PPARGC1A: variants seen among roughly 807,000 people sequenced by gnomAD.
PPARGC1A encodes the protein PPARG coactivator 1 alpha.
A neutral mutation model predicts 88.7 loss-of-function variants in PPARGC1A; 25 were observed. The ratio of observed to expected loss-of-function variants is 0.28; its 90% CI spans 0.21 to 0.39. The LOEUF (loss-of-function observed/expected upper bound fraction) is 0.39. Ranked by LOEUF, PPARGC1A falls within the 10% of genes least tolerant of loss-of-function variation. The pLI is 1.00. For synonymous variants in PPARGC1A, 363 were observed against 355.6 expected (o/e 1.02, Z -0.24); for missense variants, 880 against 968.7 (o/e 0.91, Z 1.22).
chr4:23,916,957 A>G, the PPARGC1A span, among the ~76,000 whole-genome samples: 1 of 152,224 alleles, frequency 6.6e-6, no homozygotes, highest in South Asian at 2.1e-4. Flanking sequence ...CAAATGAACT[A>G]CTGAGTCAGA....
the PPARGC1A span, among the ~76,000 whole-genome samples, chr4:24,023,337 C>G: frequency 6.6e-6 from 1 of 152,036 alleles, no homozygotes; most frequent in African/African-American, 2.4e-5. Context: ...TAATATCTCA[C>G]ATATATGAAA....
chr4:24,160,861 T>C, the PPARGC1A span, among the ~76,000 whole-genome samples: 1 of 152,180 alleles, frequency 6.6e-6, no homozygotes, highest in Non-Finnish European at 1.5e-5. Flanking sequence ...TGGGACCTAC[T>C]GAACAAAACA....
chr4:24,098,603 A>C, the PPARGC1A span, among the ~76,000 whole-genome samples: 437 of 152,374 alleles, frequency 2.9e-3, 4 homozygotes, highest in African/African-American at 0.01. Context: ...AAGTGTACTT[A>C]TATCGCTTAA....
At chr4:24,437,866 G>T in the PPARGC1A span, among the ~76,000 whole-genome samples, 1 of 151,810 alleles carries the variant, frequency 6.6e-6, no homozygotes, top group African/African-American at 2.4e-5. Flanking sequence ...AAGTAGAGAA[G>T]GGGTTTCACC....
At chr4:24,348,531 A>G in the PPARGC1A span, among the ~76,000 whole-genome samples, 1 of 152,048 alleles carries the variant, frequency 6.6e-6, no homozygotes, top group Non-Finnish European at 1.5e-5. Context: ...TCTTTGTTGA[A>G]TTAGGTTAAT....
the PPARGC1A span, among the ~76,000 whole-genome samples, chr4:24,374,563 T>TA: frequency 0.21 from 30,559 of 146,522 alleles, 3,245 homozygotes; most frequent in African/African-American, 0.28. Context: ...AAATAAATGT[T>TA]AAAAAAAAAA....
the PPARGC1A span, among the ~76,000 whole-genome samples, chr4:24,203,490 C>A: frequency 1.3e-5 from 2 of 152,082 alleles, no homozygotes; most frequent in Non-Finnish European, 2.9e-5. Flanking sequence ...GGGATCTATT[C>A]TTTCAATTCA....
At chr4:23,940,198 T>C in the PPARGC1A span, among the ~76,000 whole-genome samples, 1 of 152,238 alleles carries the variant, frequency 6.6e-6, no homozygotes, top group Non-Finnish European at 1.5e-5. Context: ...TCTTTTGTCA[T>C]GTACTGTTTC....
the PPARGC1A span, among the ~76,000 whole-genome samples, chr4:24,041,689 T>A: frequency 6.6e-6 from 1 of 152,140 alleles, no homozygotes; most frequent in Non-Finnish European, 1.5e-5. Flanking sequence ...AAAATGCACA[T>A]AGTCACAAAC....
the PPARGC1A span, among the ~76,000 whole-genome samples, chr4:24,437,532 G>A: frequency 6.6e-6 from 1 of 152,158 alleles, no homozygotes; most frequent in Non-Finnish European, 1.5e-5. Context: ...ACCCCTCGGG[G>A]CTCTGAAGAC....
At chr4:24,265,945 G>T in the PPARGC1A span, among the ~76,000 whole-genome samples, 1 of 152,002 alleles carries the variant, frequency 6.6e-6, no homozygotes, top group African/African-American at 2.4e-5. Context: ...GTGCAAAAGA[G>T]GGGAGTAAGG....
At chr4:24,360,388 G>A in the PPARGC1A span, among the ~76,000 whole-genome samples, 3 of 152,054 alleles carry the variant, frequency 2.0e-5, no homozygotes, top group Non-Finnish European at 4.4e-5. Flanking sequence ...CTCTGCACCA[G>A]CCACAAGCCC....
the PPARGC1A span, among the ~76,000 whole-genome samples, chr4:24,444,465 T>A: frequency 1.8e-4 from 27 of 151,262 alleles, no homozygotes; most frequent in Non-Finnish European, 3.0e-5. Flanking sequence ...AAAAAAAAAA[T>A]AAAAGCTAGG....
the PPARGC1A span, among the ~76,000 whole-genome samples, chr4:24,267,480 G>A: frequency 1.3e-5 from 2 of 152,102 alleles, no homozygotes; most frequent in Non-Finnish European, 2.9e-5. Context: ...ATATCAACAA[G>A]CTTTGAATAA....
chr4:23,969,763 C>G, the PPARGC1A span, among the ~76,000 whole-genome samples: 265 of 152,266 alleles, frequency 1.7e-3, 1 homozygote, highest in African/African-American at 5.9e-3. Context: ...CTGGGTCACT[C>G]ATTGAACCCA....
At chr4:23,970,049 C>A in the PPARGC1A span, among the ~76,000 whole-genome samples, 2 of 152,170 alleles carry the variant, frequency 1.3e-5, no homozygotes, top group African/African-American at 4.8e-5. Flanking sequence ...CATAAGCATT[C>A]TGTGTGATGG....
At chr4:23,967,452 C>A in the PPARGC1A span, among the ~76,000 whole-genome samples, 1 of 152,114 alleles carries the variant, frequency 6.6e-6, no homozygotes, top group African/African-American at 2.4e-5. Context: ...GTAAAGCAGA[C>A]GCATGCAGAC....
At chr4:24,357,964 T>C in the PPARGC1A span, among the ~76,000 whole-genome samples, 1 of 152,232 alleles carries the variant, frequency 6.6e-6, no homozygotes, top group African/African-American at 2.4e-5. Flanking sequence ...CAGACTAATA[T>C]ACTGTTGCTT....
At chr4:24,144,629 G>A in the PPARGC1A span, among the ~76,000 whole-genome samples, 7 of 150,064 alleles carry the variant, frequency 4.7e-5, no homozygotes, top group South Asian at 2.2e-4. Context: ...TGAGACCAGC[G>A]CAGAGAGGGA....
Sources: gnomAD v4.1 joint callset for allele counts (sites outside exome capture counted in the v4.1 genomes callset) on GRCh38, gnomAD v4.1.1 for gene constraint, MANE v1.5 for transcripts, NCBI Gene and HGNC (gene_info 2026-07-23, HGNC 2026-07-21) for gene names.